Variants in CREBBP observed in about 807,000 individuals in gnomAD.
CREBBP encodes the protein CREB binding lysine acetyltransferase.
In CREBBP, 19 loss-of-function variants were observed where a neutral mutation model predicts 265.0. The observed-to-expected ratio is 0.07, with a 90% CI of 0.05 to 0.11. CREBBP has a LOEUF of 0.11. Among genes scored for constraint, CREBBP ranks in the 10% least tolerant of loss-of-function variants. The probability of loss-of-function intolerance (pLI) is 1.00; values close to 1 mark genes in which losing one functional copy is unlikely to be tolerated. For missense variants in CREBBP, 2,525 were observed against 3,219.0 expected, an observed-to-expected ratio of 0.78 and a Z score of 5.22; for synonymous variants, 1,457 against 1,223.7, an observed-to-expected ratio of 1.19 and a Z score of -3.98.
intron 28 of CREBBP, among the ~76,000 whole-genome samples, chr16:3,734,147 C>A (rs76514090): frequency 0.012 from 1,772 of 152,248 alleles, 19 homozygotes; most frequent in Non-Finnish European, 0.02. Context: ...GGTTCCGTTT[C>A]TCGCCCCACC....
In CREBBP at chr16:3,873,800, G is replaced by C. The variant is rs774435606; in HGVS notation, c.85+6032C>G. On this transcript the variant is annotated intron_variant, in intron 1 of 30. Coordinates refer to ENST00000262367, the MANE Select transcript of CREBBP (RefSeq NM_004380.3). ...TGGGAGCCCATGGGTACGGAACTCG[G>C]AAGCAAATAACAGACCCAATTAGAA... Among the ~76,000 whole-genome samples the C allele has an allele frequency of 2.6e-5, 4 of 152,232 alleles. No homozygotes were observed. In the Middle Eastern group the frequency reaches 0.01, roughly 388 times the overall value.
At chr16:3,805,757 G>C (rs1317079752) in intron 3 of CREBBP, among the ~76,000 whole-genome samples, 3 of 152,330 alleles carry the variant, frequency 2.0e-5, no homozygotes, top group East Asian at 3.9e-4. Flanking sequence ...CAGTGGGACA[G>C]CTGGTCACAA....
rs1434677338 is a variant in CREBBP, at chr16:3,824,740, A to C, written c.799-13961T>G. On this transcript the variant is annotated intron_variant, in intron 2 of 30. Coordinates refer to ENST00000262367, the MANE Select transcript of CREBBP (RefSeq NM_004380.3). ...GTCAACTTGGAGACTACAACTGCCA[A>C]GCAGGCCGGTGCTTCCCGTTCTACT... 5.9e-5 allele frequency among the ~76,000 whole-genome samples: 9 copies of C among 152,320 alleles called. No homozygotes were observed. In the East Asian group the frequency reaches 1.7e-3, roughly 29 times the overall value.
In CREBBP at chr16:3,731,976, C is replaced by T. The variant is rs1281830127; in HGVS notation, c.4729-39G>A. ...CAAGGCTGTGAGACCAGGCAAGTGC[C>T]CCTCCACACTTGGCACGGACGCCCA... On this transcript the variant is annotated intron_variant, in intron 28 of 30. Transcript: ENST00000262367. This position sits in a 1 kb window ranked among gnomAD's most constrained non-coding sequence, Gnocchi z 7.7. 3 of 1,613,966 alleles carry T rather than the reference C, an allele frequency of 1.9e-6. No homozygotes were observed. Among genetic ancestry groups the T allele is most frequent in the Admixed American group, 3.3e-5 (2 of 60,020 alleles).
rs1199457082 is a variant in CREBBP at position 3,829,708 on chromosome 16, AAACT to A, written c.799-18933_799-18930del. On this transcript the variant is annotated intron_variant, in intron 2 of 30. Transcript: ENST00000262367. The stretch of plus-strand genomic sequence containing the variant: ...AATTAAGAGCCTGCCAGAACAAAAC[AAACT>A]AATAAAGGACAATAAAACCCATATT... Among the ~76,000 whole-genome samples the A allele has an allele frequency of 2.6e-5, 4 of 152,358 alleles. No individual in the cohort carries two copies. The East Asian group carries it at 7.7e-4, about 29-fold the overall frequency.
chr16:3,849,445 G>C (rs2054765903), intron 2 of CREBBP, among the ~76,000 whole-genome samples: 2 of 24,186 alleles, frequency 8.3e-5, no homozygotes, highest in African/African-American at 1.4e-4. Context: ...GTGTGTGTGT[G>C]TGTGTGTGTG....
chr16:3,758,994 A>C (rs2052648176), intron 16 of CREBBP, 22 bp from the exon 17 acceptor site: 3 of 1,565,200 alleles, frequency 1.9e-6, no homozygotes, highest in Admixed American at 3.3e-5. Context: ...ACATCAAGAA[A>C]AGACACTTTG....
intron 5 of CREBBP, among the ~76,000 whole-genome samples, chr16:3,784,742 T>A (rs1437397730): frequency 6.6e-6 from 1 of 152,164 alleles, no homozygotes; most frequent in Non-Finnish European, 1.5e-5. Flanking sequence ...TTCTCTTTTA[T>A]CCACACCTCC....
chr16:3,861,632 A>G (rs1447264659), intron 1 of CREBBP, among the ~76,000 whole-genome samples: 2 of 149,108 alleles, frequency 1.3e-5, no homozygotes, highest in Non-Finnish European at 3.0e-5. Flanking sequence ...AAATAAATAT[A>G]ATGGAACAAC....
intron 5 of CREBBP, among the ~76,000 whole-genome samples, chr16:3,785,793 C>T (rs2053372828): frequency 6.6e-6 from 1 of 152,188 alleles, no homozygotes; most frequent in Admixed American, 6.5e-5. Flanking sequence ...TTTTTCCTCG[C>T]TAGAGCATAA....
chr16:3,832,503 T>C (rs2054362757), intron 2 of CREBBP, among the ~76,000 whole-genome samples: 1 of 152,184 alleles, frequency 6.6e-6, no homozygotes, highest in South Asian at 2.1e-4. Flanking sequence ...ACTTTGGGTG[T>C]ACTTAAACAA....
At chr16:3,872,759 GA>G (rs939527610) in intron 1 of CREBBP, among the ~76,000 whole-genome samples, 16 of 152,220 alleles carry the variant, frequency 1.1e-4, no homozygotes, top group African/African-American at 3.4e-4. Flanking sequence ...GATACCCCAG[GA>G]AACAAACTGT....
intron 4 of CREBBP, 26 bp downstream of exon 4, chr16:3,793,360 C>G: frequency 6.2e-7 from 1 of 1,613,638 alleles, no homozygotes; most frequent in Non-Finnish European, 8.5e-7. Flanking sequence ...ACCTCTACCA[C>G]TAGGAGTTCC....
In CREBBP at chr16:3,880,597, C is replaced by G. The variant is rs1597100993; in HGVS notation, c.-681G>C. 2 of 146,784 alleles carry G rather than the reference C, an allele frequency of 1.4e-5. No homozygotes were observed. The highest frequency in any genetic ancestry group is 3.0e-5 in the Non-Finnish European group (2 of 66,092). The allele number at this position is 146,784 out of a possible 1,614,324, so 9.1% of individuals were successfully genotyped here. On this transcript the variant is annotated 5_prime_UTR_variant, in exon 1 of 31. Coordinates refer to ENST00000262367, the MANE Select transcript of CREBBP (RefSeq NM_004380.3). ...CCGAGGGCCGGGCGGAGCGGGCCGG[C>G]CGGGCGGAGCGGGGTGCGCGGGCGG...
chr16:3,764,697 C>T (rs934377552), intron 16 of CREBBP, among the ~76,000 whole-genome samples: 9 of 152,068 alleles, frequency 5.9e-5, no homozygotes, highest in African/African-American at 4.8e-5. Flanking sequence ...GATCCTGCTG[C>T]CTCAGCCTCC....
chr16:3,838,708 A>T (rs1247232400), intron 2 of CREBBP, among the ~76,000 whole-genome samples: 1 of 152,202 alleles, frequency 6.6e-6, no homozygotes, highest in Non-Finnish European at 1.5e-5. Flanking sequence ...AATTTTGTAT[A>T]ACAAACATCA....
Position 3,769,246 on chromosome 16 carries a change from T to A in CREBBP, c.2988A>T (p.Glu996Asp). 6.2e-7 allele frequency: 1 copy of A among 1,614,132 alleles called. No homozygotes were observed. Among genetic ancestry groups the A allele is most frequent in the Non-Finnish European group, 8.5e-7 (1 of 1,180,020 alleles). Residue 996 changes from glutamate (E) to aspartate (D), a missense_variant, in exon 15 of 31, where the codon GAA (glutamate) becomes GAT (aspartate). Glu to Asp is a conservative substitution (Grantham distance 45). Around this residue, in one of 19 missense-constraint regions of CREBBP, gnomAD observed 548 missense variants for 533.0 expected, o/e 1.03. Coordinates refer to ENST00000262367, the MANE Select transcript of CREBBP (RefSeq NM_004380.3). ...CCTCTGCTTGGGTCTCCGTCTTCAT[T>A]TCCAGCACAGGTACGTCAGGTCCTG... Reference protein sequence around the residue: ...QQPGPDVPVLEMKTETQAEDT... With the variant: ...QQPGPDVPVLDMKTETQAEDT...
chr16:3,765,863 C>A (rs753456194), intron 16 of CREBBP, among the ~76,000 whole-genome samples: 1 of 151,954 alleles, frequency 6.6e-6, no homozygotes, highest in Non-Finnish European at 1.5e-5. Context: ...AGGCTGCTCT[C>A]GAACTCCTGA....
intron 14 of CREBBP, among the ~76,000 whole-genome samples, chr16:3,770,002 C>T (rs2052960374): frequency 6.6e-6 from 1 of 152,042 alleles, no homozygotes; most frequent in South Asian, 2.1e-4. Context: ...TCCCGAGTAG[C>T]TGGGAATACA....
Sources: allele counts gnomAD v4.1 joint callset (sites outside exome capture counted in the v4.1 genomes callset), GRCh38; gene constraint gnomAD v4.1.1; regional missense constraint gnomAD v4.1.1; non-coding constraint Gnocchi (gnomAD v3.1); transcripts MANE v1.5; gene names NCBI Gene and HGNC (gene_info 2026-07-23, HGNC 2026-07-21).